The following VAT1L variants were observed in gnomAD, a reference collection of about 807,000 sequenced individuals.
The protein encoded by VAT1L is putative NADPH-dependent quinone oxidoreductase VAT1L.
Under a neutral mutation model 44.1 loss-of-function variants are expected in VAT1L, and 34 were observed. The observed-to-expected ratio is 0.77, with a 90% CI of 0.59 to 1.03. VAT1L has a LOEUF of 1.03. Among genes scored for constraint, VAT1L ranks in the 50% least tolerant of loss-of-function variants. VAT1L has a pLI of 0.00. For missense variants in VAT1L, 615 were observed against 538.8 expected (o/e 1.14, Z -1.40); for synonymous variants, 253 against 202.2 (o/e 1.25, Z -2.13).
chr16:77,923,334 C>T (rs980668554), intron 7 of VAT1L, among the ~76,000 whole-genome samples: 1 of 151,660 alleles, frequency 6.6e-6, no homozygotes, highest in Non-Finnish European at 1.5e-5. Context: ...CCTGTAGTCC[C>T]AGCTACTCAG....
chr16:77,934,490 G>A (rs981617167), intron 7 of VAT1L, among the ~76,000 whole-genome samples: 5 of 152,118 alleles, frequency 3.3e-5, no homozygotes, highest in African/African-American at 9.7e-5. Flanking sequence ...CTTCCCTAGA[G>A]CCTCCAGAAG....
At chr16:77,969,620 T>C (rs2018257892) in intron 7 of VAT1L, among the ~76,000 whole-genome samples, 1 of 151,976 alleles carries the variant, frequency 6.6e-6, no homozygotes, top group Non-Finnish European at 1.5e-5. Flanking sequence ...GAAGTCACGG[T>C]CCTTTATTAC....
At chr16:77,907,675 A>G (rs2017452762) in intron 7 of VAT1L, among the ~76,000 whole-genome samples, 1 of 152,162 alleles carries the variant, frequency 6.6e-6, no homozygotes, top group South Asian at 2.1e-4. Flanking sequence ...AAGCAGGTGT[A>G]GACATCATGT....
At chr16:77,797,357 T>C (rs2015956169) in intron 1 of VAT1L, among the ~76,000 whole-genome samples, 2 of 152,144 alleles carry the variant, frequency 1.3e-5, no homozygotes, top group Admixed American at 1.3e-4. Context: ...GTGATCCGCC[T>C]GCCTCAGCCT....
chr16:77,896,645 C>A (rs1249574421), intron 7 of VAT1L, among the ~76,000 whole-genome samples: 3 of 152,136 alleles, frequency 2.0e-5, no homozygotes, highest in African/African-American at 4.8e-5. Context: ...ATTTCTGGGG[C>A]CTCAGGGCAT....
intron 7 of VAT1L, among the ~76,000 whole-genome samples, chr16:77,943,031 C>G (rs1287671031): frequency 6.6e-6 from 1 of 150,724 alleles, no homozygotes; most frequent in East Asian, 2.0e-4. Context: ...AGGTGTGAGC[C>G]ACTGTGCCCA....
intron 3 of VAT1L, among the ~76,000 whole-genome samples, chr16:77,841,012 C>T (rs1013751044): frequency 2.0e-5 from 3 of 152,152 alleles, no homozygotes; most frequent in Admixed American, 6.5e-5. Context: ...AGCTTCAAAC[C>T]TTAAGCAAGC....
At chr16:77,935,698 T>C (rs772080728) in intron 7 of VAT1L, among the ~76,000 whole-genome samples, 5 of 152,042 alleles carry the variant, frequency 3.3e-5, no homozygotes, top group Admixed American at 6.6e-5. Flanking sequence ...TCTGCAGTGA[T>C]TGCTGACTGC....
chr16:77,790,250 C>A (rs372674204), intron 1 of VAT1L, among the ~76,000 whole-genome samples: 2 of 152,190 alleles, frequency 1.3e-5, no homozygotes, highest in African/African-American at 2.4e-5. Flanking sequence ...ACTCTGAACA[C>A]GACTCGTGAG....
chr16:77,809,616 C>T (rs1178552201), intron 1 of VAT1L, among the ~76,000 whole-genome samples: 3 of 152,012 alleles, frequency 2.0e-5, no homozygotes, highest in Non-Finnish European at 4.4e-5. Context: ...ATGATCCTGA[C>T]TTGCATTACA....
intron 7 of VAT1L, chr16:77,893,018 C>A (rs1277293120): frequency 3.4e-6 from 2 of 594,786 alleles, no homozygotes; most frequent in African/African-American, 1.8e-5. Flanking sequence ...CATCTTTGTG[C>A]GCTCGCTGCA....
intron 7 of VAT1L, among the ~76,000 whole-genome samples, chr16:77,942,625 C>G (rs1002975316): frequency 1.3e-5 from 2 of 152,224 alleles, no homozygotes; most frequent in Admixed American, 6.5e-5. Flanking sequence ...CAATTACTGA[C>G]TCTCCCAACA....
At chr16:77,973,675 TAAA>T in intron 8 of VAT1L, among the ~76,000 whole-genome samples, 1 of 145,622 alleles carries the variant, frequency 6.9e-6, no homozygotes, top group Non-Finnish European at 1.5e-5. Context: ...ATCAGTTCTT[TAAA>T]AAAAAAAAAA....
At chr16:77,911,930 C>T (rs1055982733) in intron 7 of VAT1L, among the ~76,000 whole-genome samples, 7 of 152,154 alleles carry the variant, frequency 4.6e-5, no homozygotes, top group South Asian at 4.1e-4. Flanking sequence ...AACAAACTGA[C>T]GGTATGTTAG....
chr16:77,864,603 G>A (rs1354782451), intron 4 of VAT1L, among the ~76,000 whole-genome samples: 4 of 152,270 alleles, frequency 2.6e-5, no homozygotes, highest in Admixed American at 6.5e-5. Context: ...GCAAGAGCCT[G>A]TCTCAAAAGG....
Position 77,908,348 on chromosome 16 carries a change from G to A in VAT1L, c.1077+23546G>A, listed in dbSNP as rs2017461104. On this transcript the variant is annotated intron_variant, in intron 7 of 8. Transcript: ENST00000302536. ...GTGGTGGTGAGTGCCTGTAATCCCT[G>A]CTACTTGGGAGGCTGAGGCAGGAGA... 2.0e-5 allele frequency among the ~76,000 whole-genome samples: 3 copies of A among 150,960 alleles called. No homozygotes were observed. In the South Asian group the frequency reaches 6.3e-4, roughly 32 times the overall value.
At chr16:77,814,362 A>G (rs1293825468) in intron 1 of VAT1L, among the ~76,000 whole-genome samples, 1 of 152,204 alleles carries the variant, frequency 6.6e-6, no homozygotes, top group Non-Finnish European at 1.5e-5. Context: ...GGCATTCTCC[A>G]TGACCTGACA....
chr16:77,824,812 A>G (rs1482564176), intron 2 of VAT1L, among the ~76,000 whole-genome samples: 1 of 147,616 alleles, frequency 6.8e-6, no homozygotes, highest in African/African-American at 2.5e-5. Flanking sequence ...TCTCAAGTGT[A>G]TGAGTCAGGA....
intron 3 of VAT1L, among the ~76,000 whole-genome samples, chr16:77,847,045 T>A (rs2447782): frequency 6.6e-6 from 1 of 152,068 alleles, no homozygotes; most frequent in East Asian, 1.9e-4. Flanking sequence ...ATAATAATAC[T>A]TTTTATAAAG....
Sources: gnomAD v4.1 joint callset for allele counts (sites outside exome capture counted in the v4.1 genomes callset) on GRCh38, gnomAD v4.1.1 for gene constraint, MANE v1.5 for transcripts, NCBI Gene and HGNC (gene_info 2026-07-23, HGNC 2026-07-21) for gene names.